The following IGSF11 variants were observed in gnomAD, a reference collection of about 807,000 sequenced individuals.
IGSF11 encodes CXADR like 1.
A neutral mutation model predicts 41.0 loss-of-function variants in IGSF11; 22 were observed. The ratio of observed to expected loss-of-function variants is 0.54; its 90% CI spans 0.38 to 0.77. The LOEUF is 0.77. IGSF11 is among the 30% of genes least tolerant of loss of function. IGSF11 has a pLI of 0.00. For missense variants in IGSF11, 444 were observed against 530.8 expected, an observed-to-expected ratio of 0.84 and a Z score of 1.61; for synonymous variants, 219 against 201.3, an observed-to-expected ratio of 1.09 and a Z score of -0.74.
At chr3:119,083,706 G>A (rs1231725606) in intron 1 of IGSF11, among the ~76,000 whole-genome samples, 1 of 152,160 alleles carries the variant, frequency 6.6e-6, no homozygotes, top group African/African-American at 2.4e-5. Flanking sequence ...ACCAGTTTGT[G>A]TAAACAAACC....
intron 1 of IGSF11, among the ~76,000 whole-genome samples, chr3:119,114,256 GT>G (rs2077226068): frequency 6.6e-6 from 1 of 152,234 alleles, no homozygotes; most frequent in South Asian, 2.1e-4. Flanking sequence ...CAGAAAATGG[GT>G]TTTTCCTTTT....
chr3:118,969,007 ATGAG>A lies in IGSF11; in HGVS notation c.53-38736_53-38733del, dbSNP rs1316019369. Among the ~76,000 whole-genome samples, 3 of 152,244 alleles carry A rather than the reference ATGAG, an allele frequency of 2.0e-5. No homozygotes were observed. The East Asian group carries it at 5.8e-4, about 29-fold the overall frequency. On this transcript the variant is annotated intron_variant, in intron 1 of 6. Coordinates refer to ENST00000393775, the MANE Select transcript of IGSF11 (RefSeq NM_001015887.3). ...GCAATGGCTTCCACCCCATTAATTA[ATGAG>A]TAATTTTTCAGTATCTGCTCTATGC...
intron 1 of IGSF11, among the ~76,000 whole-genome samples, chr3:118,966,969 A>G (rs1454691882): frequency 6.6e-6 from 1 of 152,176 alleles, no homozygotes; most frequent in Non-Finnish European, 1.5e-5. Context: ...CACTTTCTGT[A>G]ATTCTACCCA....
intron 2 of IGSF11, 148 bp from the exon 3 acceptor site, chr3:118,928,864 A>G: frequency 1.6e-6 from 1 of 632,718 alleles, no homozygotes; most frequent in East Asian, 2.8e-5. Context: ...CTTTTTTTTT[A>G]CAGTATTTGT....
intron 4 of IGSF11, among the ~76,000 whole-genome samples, chr3:118,906,933 T>A (rs547712615): frequency 9.2e-5 from 14 of 152,304 alleles, no homozygotes; most frequent in African/African-American, 2.6e-4. Flanking sequence ...GTTAGGAAAT[T>A]CAATTGGATG....
At chr3:118,967,298 T>C (rs890183271) in intron 1 of IGSF11, among the ~76,000 whole-genome samples, 3 of 152,176 alleles carry the variant, frequency 2.0e-5, no homozygotes, top group African/African-American at 7.2e-5. Flanking sequence ...TAAAAGCCAC[T>C]GACCACATGG....
chr3:118,972,374 C>A (rs577238196), intron 1 of IGSF11, among the ~76,000 whole-genome samples: 22 of 152,220 alleles, frequency 1.4e-4, no homozygotes, highest in African/African-American at 5.3e-4. Context: ...TTCTATTTTG[C>A]AATGTACTTA....
At chr3:119,000,987 T>C (rs1304026585) in intron 1 of IGSF11, among the ~76,000 whole-genome samples, 4 of 152,188 alleles carry the variant, frequency 2.6e-5, no homozygotes, top group African/African-American at 9.6e-5. Flanking sequence ...TTCTATAATA[T>C]TCCTTGCCTA....
chr3:118,952,172 G>C (rs530108732), intron 1 of IGSF11, among the ~76,000 whole-genome samples: 2 of 152,102 alleles, frequency 1.3e-5, no homozygotes, highest in Admixed American at 6.6e-5. Context: ...AAATGCTAAC[G>C]ATCATCTGAG....
intron 1 of IGSF11, among the ~76,000 whole-genome samples, chr3:118,997,296 C>G (rs1320183200): frequency 1.3e-5 from 2 of 152,158 alleles, no homozygotes; most frequent in Non-Finnish European, 2.9e-5. Flanking sequence ...TTTAGATAAT[C>G]ATAAACTAAG....
chr3:119,104,066 G>A (rs1033133008), intron 1 of IGSF11, among the ~76,000 whole-genome samples: 5 of 152,194 alleles, frequency 3.3e-5, no homozygotes, highest in African/African-American at 7.2e-5. Context: ...GGACAGTACC[G>A]TATTTACTTA....
chr3:118,955,970 C>G (rs973073751), intron 1 of IGSF11, among the ~76,000 whole-genome samples: 34 of 152,082 alleles, frequency 2.2e-4, no homozygotes, highest in Admixed American at 6.6e-5. Context: ...GTATATGTAC[C>G]TTCATCAATG....
intron 4 of IGSF11, among the ~76,000 whole-genome samples, chr3:118,912,975 G>A (rs1484377906): frequency 6.6e-6 from 1 of 151,952 alleles, no homozygotes; most frequent in African/African-American, 2.4e-5. Context: ...ACTGCAGCCT[G>A]GATGACAGAA....
At chr3:119,072,477 G>A (rs766680330) in intron 1 of IGSF11, among the ~76,000 whole-genome samples, 14 of 152,298 alleles carry the variant, frequency 9.2e-5, no homozygotes, top group South Asian at 6.2e-4. Flanking sequence ...GGACCCTCGC[G>A]GTGAGTGTTA....
At chr3:118,919,055 T>TA (rs1304523370) in intron 4 of IGSF11, among the ~76,000 whole-genome samples, 1 of 135,332 alleles carries the variant, frequency 7.4e-6, no homozygotes, top group Non-Finnish European at 1.5e-5. Flanking sequence ...TGGCTAGCCA[T>TA]ATGTAGAAAG....
chr3:119,122,652 T>C (rs537107929), intron 1 of IGSF11, among the ~76,000 whole-genome samples: 4 of 152,182 alleles, frequency 2.6e-5, no homozygotes, highest in East Asian at 1.9e-4. Context: ...TCCTTCCTCC[T>C]GGGAGAAGAG....
At chr3:119,001,029 G>T (rs146028575) in intron 1 of IGSF11, among the ~76,000 whole-genome samples, 134 of 152,170 alleles carry the variant, frequency 8.8e-4, no homozygotes, top group African/African-American at 3.1e-3. Flanking sequence ...TGTTTTTGCT[G>T]TTCTTCAATC....
intron 1 of IGSF11, among the ~76,000 whole-genome samples, chr3:119,110,532 C>G (rs1406042651): frequency 2.6e-4 from 40 of 152,234 alleles, no homozygotes; most frequent in Non-Finnish European, 4.3e-4. Context: ...GATGGGTCTT[C>G]ACTCTTTATC....
chr3:119,095,213 C>CTT (rs1315159338), intron 1 of IGSF11, among the ~76,000 whole-genome samples: 1 of 152,114 alleles, frequency 6.6e-6, no homozygotes, highest in East Asian at 1.9e-4. Context: ...AATGTATAAT[C>CTT]TTTGTTTTTG....
Sources: gnomAD v4.1 joint callset for allele counts (sites outside exome capture counted in the v4.1 genomes callset) on GRCh38, gnomAD v4.1.1 for gene constraint, MANE v1.5 for transcripts, NCBI Gene and HGNC (gene_info 2026-07-23, HGNC 2026-07-21) for gene names.